Variants in NBEA observed in about 807,000 individuals in gnomAD.
NBEA encodes neurobeachin.
A neutral mutation model predicts 343.4 loss-of-function variants in NBEA; 44 were observed. The observed-to-expected ratio is 0.13, with a 90% CI of 0.10 to 0.16. NBEA has a LOEUF of 0.16. Among genes scored for constraint, NBEA ranks in the 10% least tolerant of loss-of-function variants. The probability of loss-of-function intolerance (pLI) is 1.00; values close to 1 mark genes in which losing one functional copy is unlikely to be tolerated. For missense variants in NBEA, 2,555 were observed against 3,631.3 expected, an observed-to-expected ratio of 0.70 and a Z score of 7.62; for synonymous variants, 1,175 against 1,238.7, an observed-to-expected ratio of 0.95 and a Z score of 1.08.
intron 38 of NBEA, among the ~76,000 whole-genome samples, chr13:35,381,747 G>GAGAGA (rs2042022753): frequency 6.6e-6 from 1 of 152,002 alleles, no homozygotes; most frequent in Non-Finnish European, 1.5e-5. Context: ...GAGAGGTCCT[G>GAGAGA]ACCTGCCTTT....
chr13:35,050,105 ATAAC>A (rs199565149), intron 5 of NBEA, among the ~76,000 whole-genome samples, 160 bp from the exon 6 acceptor site: 2,139 of 152,000 alleles, frequency 0.014, 19 homozygotes, highest in Middle Eastern at 0.031. Flanking sequence ...ATATTTACTT[ATAAC>A]TAACCTTTTA....
rs9600336 is a variant in NBEA, at chr13:35,214,613, C to T, written c.5648+3434C>T. On this transcript the variant is annotated intron_variant, in intron 33 of 58. Transcript: ENST00000379939. The stretch of plus-strand genomic sequence containing the variant: ...ATATATGTCCTTTGTGAGAAACATG[C>T]AGTCTAGAATTTTTTGTTCCATTTT... 9.8e-3 allele frequency among the ~76,000 whole-genome samples: 1,479 copies of T among 151,666 alleles called. 20 individuals carry two copies. Among genetic ancestry groups the T allele is most frequent in the African/African-American group, 0.034 (1,425 of 41,458 alleles).
At chr13:35,558,371 A>G (rs530700158) in intron 44 of NBEA, among the ~76,000 whole-genome samples, 1 of 152,312 alleles carries the variant, frequency 6.6e-6, no homozygotes, top group East Asian at 1.9e-4. Flanking sequence ...TTTATAACTA[A>G]GAGAGCAGAA....
intron 38 of NBEA, among the ~76,000 whole-genome samples, chr13:35,371,167 T>C (rs993235952): frequency 6.6e-6 from 1 of 152,146 alleles, no homozygotes; most frequent in African/African-American, 2.4e-5. Context: ...CTTACTAGAC[T>C]TGGGAAATAT....
intron 34 of NBEA, among the ~76,000 whole-genome samples, chr13:35,277,924 T>C (rs969950513): frequency 3.3e-5 from 5 of 150,434 alleles, no homozygotes; most frequent in East Asian, 2.0e-4. Flanking sequence ...CCATCTCTAC[T>C]AAAAAATACA....
At chr13:35,019,684 T>C (rs1197746422) in intron 1 of NBEA, among the ~76,000 whole-genome samples, 1 of 152,204 alleles carries the variant, frequency 6.6e-6, no homozygotes, top group Non-Finnish European at 1.5e-5. Context: ...ATTTAATTTT[T>C]ATAATAGATA....
rs1226588029 is a variant in NBEA at position 34,942,895 on chromosome 13, T to TGGCGGAGGC, written c.81_89dup (p.Gly29_Gly31dup). 2 of 1,442,384 alleles carry TGGCGGAGGC rather than the reference T, an allele frequency of 1.4e-6. No homozygotes were observed. The highest frequency in any genetic ancestry group is 1.6e-5 in the African/African-American group (1 of 63,386). The allele number at this position is 1,442,384 out of a possible 1,614,324, so 89.3% of individuals were successfully genotyped here. Reference sequence around the variant, plus strand: ...TGGGGCTCATTGCCGTCGGGGCCGCTGGCGGAGGCGGCGGGGGCAGCGGTG... The same window carrying TGGCGGAGGC: ...TGGGGCTCATTGCCGTCGGGGCCGCTGGCGGAGGCGGCGGAGGCGGCGGGGGCAGCGGTG... On this transcript the variant is annotated inframe_insertion, in exon 1 of 59. Transcript: ENST00000379939.
chr13:35,163,181 T>C (rs1397833963), intron 23 of NBEA, among the ~76,000 whole-genome samples: 1 of 152,122 alleles, frequency 6.6e-6, no homozygotes, highest in Non-Finnish European at 1.5e-5. Flanking sequence ...CCAGGTAGAA[T>C]TTAATGTAAT....
chr13:34,988,543 G>T (rs773310506), intron 1 of NBEA, among the ~76,000 whole-genome samples: 29 of 150,856 alleles, frequency 1.9e-4, no homozygotes, highest in Admixed American at 1.4e-3. Context: ...CTCACAGGTC[G>T]ATATCAGACT....
intron 41 of NBEA, among the ~76,000 whole-genome samples, chr13:35,492,773 G>A (rs972138559): frequency 2.0e-5 from 3 of 151,830 alleles, no homozygotes; most frequent in Non-Finnish European, 4.4e-5. Flanking sequence ...ATACAACTAG[G>A]CCTCAGTTTT....
Position 35,472,527 on chromosome 13 carries a change from C to G in NBEA, c.6576C>G (p.Ile2192Met), listed in dbSNP as rs372995524. 16 of 1,613,812 alleles carry G rather than the reference C, an allele frequency of 9.9e-6. No homozygotes were observed. The highest frequency in any genetic ancestry group is 2.7e-5 in the African/African-American group (2 of 74,892). ...AGGATGATTCTGCCTTCAAGAAGAT[C>G]GACACGAAAGTGAGTTAAAGCGATT... ...VDEDDSAFKK[I>M]DTKVLAYTEG... Residue 2192 changes from isoleucine to methionine, a missense_variant, in exon 41 of 59, where the codon ATC (isoleucine) becomes ATG (methionine). This residue lies in a region of NBEA where 246 missense variants were observed against 313.7 expected (regional missense o/e 0.78). Transcript: ENST00000379939.
At position 35,445,775 on chromosome 13, in the gene NBEA, T is replaced by C. The variant is rs536961599; in HGVS notation, c.6305-6317T>C. On this transcript the variant is annotated intron_variant, in intron 39 of 58. Coordinates refer to ENST00000379939, the MANE Select transcript of NBEA (RefSeq NM_001385012.1). ...GATATGATGACTTAATTCTAAGATA[T>C]AAATGTTTATATATATATATATATA... Among the ~76,000 whole-genome samples, 786 of 122,072 alleles carry C rather than the reference T, an allele frequency of 6.4e-3. 2 individuals carry two copies. Among genetic ancestry groups the C allele is most frequent in the Non-Finnish European group, 9.5e-3 (579 of 60,786 alleles). 80.1% of individuals were successfully genotyped at this position (122,072 alleles called of 152,430 possible). A position where few individuals can be genotyped will look rare whatever the true frequency, so the allele number is the denominator to read the frequency against.
At chr13:34,956,274 G>T (rs1347643025) in intron 1 of NBEA, among the ~76,000 whole-genome samples, 1 of 151,836 alleles carries the variant, frequency 6.6e-6, no homozygotes, top group East Asian at 1.9e-4. Flanking sequence ...GGTGAATGAT[G>T]ATTAACTTTT....
At chr13:35,564,477 G>A (rs1050286484) in intron 44 of NBEA, among the ~76,000 whole-genome samples, 2 of 151,950 alleles carry the variant, frequency 1.3e-5, no homozygotes, top group Non-Finnish European at 2.9e-5. Context: ...TGTACTCTTT[G>A]TATATATACA....
chr13:35,097,502 A>T (rs190088946), intron 10 of NBEA, among the ~76,000 whole-genome samples: 1 of 152,012 alleles, frequency 6.6e-6, no homozygotes, highest in African/African-American at 2.4e-5. Context: ...TATTTCCGTT[A>T]TTTAGAATAC....
chr13:35,602,411 A>G (rs929443254), intron 47 of NBEA, among the ~76,000 whole-genome samples: 11 of 152,100 alleles, frequency 7.2e-5, no homozygotes, highest in African/African-American at 2.2e-4. Context: ...CACTTCCTCT[A>G]CTATCCCCTT....
chr13:35,253,686 GTAT>G (rs1391174695), intron 34 of NBEA, among the ~76,000 whole-genome samples: 32 of 152,144 alleles, frequency 2.1e-4, no homozygotes, highest in African/African-American at 7.7e-4. Context: ...ATTCTTTTAT[GTAT>G]TATCTAGATT....
rs139230415 is a variant in NBEA, at chr13:35,248,850, G to A, written c.5776+16231G>A. On this transcript the variant is annotated intron_variant, in intron 34 of 58. Transcript: ENST00000379939. Reference sequence around the variant, plus strand: ...ACTGTAAAACGCTTGGAAGAAAACAGGATAAAAGCTTCATGATGGCCGAGC... The same window carrying A: ...ACTGTAAAACGCTTGGAAGAAAACAAGATAAAAGCTTCATGATGGCCGAGC... Among the ~76,000 whole-genome samples the A allele has an allele frequency of 4.8e-3, 732 of 152,246 alleles. 8 individuals carry two copies. The highest frequency in any genetic ancestry group is 0.017 in the African/African-American group (706 of 41,542).
intron 38 of NBEA, among the ~76,000 whole-genome samples, chr13:35,423,150 T>C (rs1365011629): frequency 6.6e-6 from 1 of 152,214 alleles, no homozygotes; most frequent in Non-Finnish European, 1.5e-5. Context: ...CTCTTTAGTT[T>C]AATTAGATCC....
Sources: allele counts gnomAD v4.1 joint callset (sites outside exome capture counted in the v4.1 genomes callset), GRCh38; gene constraint gnomAD v4.1.1; regional missense constraint gnomAD v4.1.1; transcripts MANE v1.5; gene names NCBI Gene and HGNC (gene_info 2026-07-23, HGNC 2026-07-21).